Variants in UBE2Z observed in about 807,000 individuals in gnomAD.
UBE2Z encodes ubiquitin conjugating enzyme E2 Z, also known as ubiquitin-conjugating enzyme E2 Z.
A neutral mutation model predicts 32.6 loss-of-function variants in UBE2Z; 10 were observed. That is an observed-to-expected ratio of 0.31 (90% confidence interval 0.19 to 0.52). The LOEUF (loss-of-function observed/expected upper bound fraction) is 0.52. Ranked by LOEUF, UBE2Z falls within the 20% of genes least tolerant of loss-of-function variation. The pLI is 0.97. For missense variants in UBE2Z, 343 were observed against 480.9 expected (o/e 0.71, Z 2.68); for synonymous variants, 183 against 190.8 (o/e 0.96, Z 0.34).
At chr17:48,921,905 G>A (rs1229770231) in intron 5 of UBE2Z, among the ~76,000 whole-genome samples, 1 of 152,114 alleles carries the variant, frequency 6.6e-6, no homozygotes, top group Non-Finnish European at 1.5e-5. Context: ...GCACGCTCCT[G>A]CAGTCACAGC....
intron 4 of UBE2Z, among the ~76,000 whole-genome samples, chr17:48,920,454 G>GC (rs1253004326): frequency 6.6e-6 from 1 of 152,066 alleles, no homozygotes; most frequent in Non-Finnish European, 1.5e-5. Flanking sequence ...CTGAGATCGT[G>GC]CCATTGCACT....
intron 2 of UBE2Z, chr17:48,912,557 G>T: frequency 2.5e-6 from 1 of 401,682 alleles, no homozygotes. Context: ...GGATACTCAA[G>T]AGTGATTTTG....
rs1323727432 is a variant in UBE2Z at position 48,910,856 on chromosome 17, A to G, written c.366A>G (p.Val122=). The change falls in exon 2 of 7, where the codon GTA becomes GTG. Residue 122 remains valine, a synonymous_variant. Coordinates refer to ENST00000360943, the MANE Select transcript of UBE2Z (RefSeq NM_023079.5). ...YKEPPPGMFV[V]PDTVDMTKIH... ...AGCCTCCTCCAGGAATGTTCGTTGT[A>G]CCTGATACTGTTGACATGACTAAGG... 1 of 1,613,146 alleles carries G rather than the reference A, an allele frequency of 6.2e-7. No individual in the cohort carries two copies. Among genetic ancestry groups the G allele is most frequent in the East Asian group, 2.2e-5 (1 of 44,864 alleles).
intron 3 of UBE2Z, among the ~76,000 whole-genome samples, chr17:48,913,494 A>G (rs1336239098): frequency 6.6e-6 from 1 of 152,198 alleles, no homozygotes; most frequent in Admixed American, 6.5e-5. Flanking sequence ...AGCTGGGGCT[A>G]CAGGCGTGCA....
chr17:48,913,305 C>T (rs1196251908), intron 3 of UBE2Z, among the ~76,000 whole-genome samples: 1 of 152,094 alleles, frequency 6.6e-6, no homozygotes, highest in Non-Finnish European at 1.5e-5. Context: ...CTATCTTAGA[C>T]CTACAAAAGA....
At chr17:48,918,746 CTT>C (rs71144542) in intron 4 of UBE2Z, among the ~76,000 whole-genome samples, 69 of 127,434 alleles carry the variant, frequency 5.4e-4, no homozygotes, top group Admixed American at 9.2e-4. Flanking sequence ...TAGGTCTTGT[CTT>C]TTTTTTTTTT....
rs545369199 is a variant in UBE2Z at position 48,926,880 on chromosome 17, A to G, written c.895-84A>G. Reference sequence around the variant, plus strand: ...CCCATGGCTCAGAAGTTGAGCTTTCATTTCACATGGGCCCGAAGTTGCTTT... The same window carrying G: ...CCCATGGCTCAGAAGTTGAGCTTTCGTTTCACATGGGCCCGAAGTTGCTTT... On this transcript the variant is annotated intron_variant, in intron 6 of 6. Coordinates refer to ENST00000360943, the MANE Select transcript of UBE2Z (RefSeq NM_023079.5). 38 of 1,449,020 alleles carry G rather than the reference A, an allele frequency of 2.6e-5. No individual in the cohort carries two copies. The East Asian group carries it at 8.0e-4, about 30-fold the overall frequency. The allele number at this position is 1,449,020 out of a possible 1,614,324, so 89.8% of individuals were successfully genotyped here.
At chr17:48,921,032 A>G (rs954228936) in intron 4 of UBE2Z, 128 bp from the exon 5 acceptor site, 32 of 691,796 alleles carry the variant, frequency 4.6e-5, no homozygotes, top group African/African-American at 7.1e-5. Flanking sequence ...GATCTGCCAT[A>G]CAGTGGGAAA....
Position 48,910,828 on chromosome 17 carries a change from A to C in UBE2Z, c.338A>C (p.Lys113Thr). 1 of 1,613,406 alleles carries C rather than the reference A, an allele frequency of 6.2e-7. No homozygotes were observed. Among genetic ancestry groups the C allele is most frequent in the Non-Finnish European group, 8.5e-7 (1 of 1,179,494 alleles). Residue 113 changes from lysine (K) to threonine (T), a missense_variant, in exon 2 of 7, where the codon AAG becomes ACG. By Grantham distance (78) the Lys-to-Thr change is moderately conservative. Around this residue, in one of 4 missense-constraint regions of UBE2Z, gnomAD observed 55 missense variants for 56.2 expected, o/e 0.98. Coordinates refer to ENST00000360943, the MANE Select transcript of UBE2Z (RefSeq NM_023079.5). The part of the protein sequence containing the change: ...RIKRDIMSIY[K>T]EPPPGMFVVP... ...TACAGGGATATCATGTCCATTTATAAGGAGCCTCCTCCAGGAATGTTCGTT... is the reference window on the plus strand; with the variant it reads ...TACAGGGATATCATGTCCATTTATACGGAGCCTCCTCCAGGAATGTTCGTT...
At chr17:48,921,307 C>T (rs762649536) in intron 5 of UBE2Z, 35 bp downstream of exon 5, 15 of 1,549,558 alleles carry the variant, frequency 9.7e-6, no homozygotes, top group East Asian at 4.6e-5. Context: ...GTATTCCTTT[C>T]GGGCATTTGG....
At chr17:48,914,241 C>T (rs2040703320) in intron 3 of UBE2Z, among the ~76,000 whole-genome samples, 1 of 152,126 alleles carries the variant, frequency 6.6e-6, no homozygotes, top group Non-Finnish European at 1.5e-5. Context: ...GTCTGAACTT[C>T]TCTGGGACAG....
chr17:48,917,456 G>C (rs528760901), intron 4 of UBE2Z, among the ~76,000 whole-genome samples: 2 of 152,124 alleles, frequency 1.3e-5, no homozygotes, highest in East Asian at 3.9e-4. Flanking sequence ...GGTTCTATGT[G>C]CCTATATTCT....
chr17:48,909,212 T>C (rs544872055), intron 1 of UBE2Z, among the ~76,000 whole-genome samples: 38 of 144,046 alleles, frequency 2.6e-4, no homozygotes, highest in African/African-American at 9.3e-4. Context: ...CCTTGCTAGA[T>C]GCTGCCCGCA....
rs2040673212 is a variant in UBE2Z at position 48,911,010 on chromosome 17, A to C, written c.390+130A>C. The C allele has an allele frequency of 3.8e-6, 3 of 787,096 alleles. No individual in the cohort carries two copies. The African/African-American group carries it at 5.1e-5, about 13-fold the overall frequency. The allele number at this position is 787,096 out of a possible 1,614,324, so 48.8% of individuals were successfully genotyped here. A position where few individuals can be genotyped will look rare whatever the true frequency, so the allele number is the denominator to read the frequency against. On this transcript the variant is annotated intron_variant, in intron 2 of 6. Coordinates refer to ENST00000360943, the MANE Select transcript of UBE2Z (RefSeq NM_023079.5). Reference sequence around the variant, plus strand: ...GAAGAAATCAAGACCCCAGGAGAGTAAGTGGCTTGTCCAAGGTCACATAGT... The same window carrying C: ...GAAGAAATCAAGACCCCAGGAGAGTCAGTGGCTTGTCCAAGGTCACATAGT...
chr17:48,910,719 T>G, intron 1 of UBE2Z, 89 bp from the exon 2 acceptor site: 10 of 975,524 alleles, frequency 1.0e-5, no homozygotes, highest in African/African-American at 1.6e-5. Flanking sequence ...CCTGGCCTCA[T>G]TGAGGTGATA....
intron 4 of UBE2Z, among the ~76,000 whole-genome samples, chr17:48,916,757 C>T (rs1388205369): frequency 6.6e-6 from 1 of 150,840 alleles, no homozygotes; most frequent in African/African-American, 2.4e-5. Context: ...CTGAGGCAGG[C>T]AGGTGGATCA....
chr17:48,927,189 C>G lies in UBE2Z; in HGVS notation c.*55C>G. 1 of 1,574,610 alleles carries G rather than the reference C, an allele frequency of 6.4e-7. No individual in the cohort carries two copies. Among genetic ancestry groups the G allele is most frequent in the Non-Finnish European group, 8.7e-7 (1 of 1,152,054 alleles). On this transcript the variant is annotated 3_prime_UTR_variant, in exon 7 of 7. Transcript: ENST00000360943. ...CAAGAGTCCCAGCAGAATCCCTTCCCCCCACCCCAGGGATGGAGAGGCACT... is the reference window on the plus strand; with the variant it reads ...CAAGAGTCCCAGCAGAATCCCTTCCGCCCACCCCAGGGATGGAGAGGCACT...
At chr17:48,908,928 C>G in intron 1 of UBE2Z, 108 bp downstream of exon 1, 1 of 915,900 alleles carries the variant, frequency 1.1e-6, no homozygotes, top group South Asian at 2.3e-5. Context: ...GCTGCCCTCG[C>G]GGCGGCCCAC....
chr17:48,922,165 G>A (rs2040763814), intron 5 of UBE2Z, among the ~76,000 whole-genome samples: 1 of 152,142 alleles, frequency 6.6e-6, no homozygotes, highest in Non-Finnish European at 1.5e-5. Context: ...AAGGAAGGCA[G>A]ATCACCAGGT....
Sources: gnomAD v4.1 joint callset for allele counts (sites outside exome capture counted in the v4.1 genomes callset) on GRCh38, gnomAD v4.1.1 for gene constraint, gnomAD v4.1.1 regional missense constraint, MANE v1.5 for transcripts, NCBI Gene and HGNC (gene_info 2026-07-23, HGNC 2026-07-21) for gene names.